Variants in VILL observed in about 807,000 individuals in gnomAD.
The protein encoded by VILL is villin-like protein.
VILL carries 102 observed loss-of-function variants against 106.3 expected under a neutral mutation model. The observed-to-expected ratio is 0.96, with a 90% CI of 0.82 to 1.13. The LOEUF is 1.13. VILL is among the 50% of genes most tolerant of loss of function. The pLI is 0.00. For synonymous variants in VILL, 431 were observed against 440.3 expected (o/e 0.98, Z 0.27); for missense variants, 1,076 against 1,116.6 (o/e 0.96, Z 0.52).
At chr3:38,005,729 G>A (rs1699905465) in intron 16 of VILL, 63 bp from the exon 17 acceptor site, 20 of 1,528,844 alleles carry the variant, frequency 1.3e-5, no homozygotes, top group Non-Finnish European at 1.8e-5. Context: ...GGAGTGGACA[G>A]GAAGGGGTCA....
chr3:37,988,153 A>C (rs1306265115), upstream of VILL: 1 of 152,324 alleles, frequency 6.6e-6, no homozygotes, highest in Non-Finnish European at 1.5e-5. Flanking sequence ...TGGGGCTTCC[A>C]GGCAGAGAAG....
In VILL at chr3:37,993,889, C is replaced by A. The variant is rs768157050; in HGVS notation, c.61-9C>A. On this transcript the variant is annotated splice_polypyrimidine_tract_variant and intron_variant, in intron 2 of 19. Transcript: ENST00000383759. ...TCCTGAGTTGTTACAGGGAACTCTC[C>A]TCTCCCAGAACCGGAAGATGGTGCC... The A allele has an allele frequency of 7.7e-5, 125 of 1,614,052 alleles. 1 individual carries two copies. The Admixed American group carries it at 1.9e-3, about 25-fold the overall frequency.
chr3:38,001,390 G>T, intron 11 of VILL, 66 bp from the exon 12 acceptor site: 3 of 1,594,446 alleles, frequency 1.9e-6, no homozygotes, highest in Non-Finnish European at 2.6e-6. Context: ...TTCCGGTTGG[G>T]TACAGGATGG....
Position 38,001,819 on chromosome 3 carries a change from C to G in VILL, c.1438C>G (p.His480Asp), listed in dbSNP as rs759856414. The change falls in exon 13 of 20, where the codon CAC becomes GAC. Residue 480 changes from histidine to aspartate, a missense_variant. Physicochemically the swap from His to Asp is moderately conservative, Grantham distance 81. Coordinates refer to ENST00000383759, the MANE Select transcript of VILL (RefSeq NM_015873.4). ...EHVTMGSEPP[H>D]FLAIFQGQLV... ...TGTGACCATGGGCAGCGAGCCCCCC[C>G]ACTTCCTCGCCATCTTCCAGGGCCA... The G allele has an allele frequency of 3.7e-6, 6 of 1,614,240 alleles. No homozygotes were observed. The highest frequency in any genetic ancestry group is 5.1e-6 in the Non-Finnish European group (6 of 1,180,042).
At chr3:37,990,266 A>G (rs1190637804), upstream of VILL, among the ~76,000 whole-genome samples, 3 of 152,292 alleles carry the variant, frequency 2.0e-5, no homozygotes, top group African/African-American at 7.2e-5. The surrounding 1 kb of genome is among the most constrained non-coding windows in gnomAD (Gnocchi z 5.1). Context: ...GGGCTGTGCC[A>G]GGCAGTGAGC....
At chr3:37,989,996 T>C (rs948407211), upstream of VILL, among the ~76,000 whole-genome samples, 1 of 152,184 alleles carries the variant, frequency 6.6e-6, no homozygotes, top group Non-Finnish European at 1.5e-5. Context: ...GGAGAGGGTC[T>C]TGGGCAGTGG....
rs376322843 is a variant in VILL, at chr3:37,994,390, G to T, written c.265G>T (p.Gly89Cys). 2 of 1,612,618 alleles carry T rather than the reference G, an allele frequency of 1.2e-6. No individual in the cohort carries two copies. Among genetic ancestry groups the T allele is most frequent in the Admixed American group, 1.7e-5 (1 of 59,928 alleles). Residue 89 changes from glycine (G) to cysteine (C), a missense_variant, in exon 4 of 20, where the codon GGC becomes TGC. Gly to Cys is a radical substitution (Grantham distance 159). Coordinates refer to ENST00000383759, the MANE Select transcript of VILL (RefSeq NM_015873.4). ...GCAGCGCCTACAGGACGAGCTGGGG[G>T]GCCAGACCGTGCTGCACCGCGAGGC... ...FQQRLQDELGGQTVLHREAQG... is the reference protein window; with the variant it reads ...FQQRLQDELGCQTVLHREAQG...
chr3:38,001,590 G>T lies in VILL; in HGVS notation c.1317G>T (p.Trp439Cys). Residue 439 changes from tryptophan (W) to cysteine (C), a missense_variant, in exon 12 of 20, where the codon TGG (tryptophan) becomes TGT (cysteine). Transcript: ENST00000383759. Reference protein sequence around the residue: ...LGRVQYILYLWQGHQATADEI... With the variant: ...LGRVQYILYLCQGHQATADEI... Reference sequence around the variant, plus strand: ...GTGTCCAGTACATCCTGTACCTATGGCAGGTGTGCCAGCCTGAGGGAGGCA... The same window carrying T: ...GTGTCCAGTACATCCTGTACCTATGTCAGGTGTGCCAGCCTGAGGGAGGCA... The T allele has an allele frequency of 1.2e-6, 2 of 1,614,102 alleles. No individual in the cohort carries two copies. The highest frequency in any genetic ancestry group is 1.1e-5 in the South Asian group (1 of 91,086).
upstream of VILL, among the ~76,000 whole-genome samples, chr3:37,988,605 G>A (rs1699575842): frequency 6.6e-6 from 1 of 152,222 alleles, no homozygotes; most frequent in East Asian, 1.9e-4. Context: ...GCTTACGCCT[G>A]TAATCCCAAC....
intron 15 of VILL, 141 bp downstream of exon 15, chr3:38,003,454 T>C (rs1699857417): frequency 1.7e-6 from 2 of 1,144,994 alleles, no homozygotes; most frequent in African/African-American, 1.6e-5. Flanking sequence ...TCACAGAGGC[T>C]CCCACAAGTA....
In VILL at chr3:37,993,902, G is replaced by A. The variant is rs148456761; in HGVS notation, c.65G>A (p.Arg22Gln). The change falls in exon 3 of 20, where the codon CGG (arginine) becomes CAG (glutamine). Residue 22 changes from arginine (R) to glutamine (Q), a missense_variant. Arg to Gln is a conservative substitution (Grantham distance 43). Coordinates refer to ENST00000383759, the MANE Select transcript of VILL (RefSeq NM_015873.4). ...GGLHIWISEN[R>Q]KMVPVPEGAY... ...CAGGGAACTCTCCTCTCCCAGAACC[G>A]GAAGATGGTGCCGGTACCCGAGGGG... 77 of 1,614,068 alleles carry A rather than the reference G, an allele frequency of 4.8e-5. No individual in the cohort carries two copies. The African/African-American group carries it at 8.8e-4, about 18-fold the overall frequency.
chr3:38,000,964 C>G (rs1699802691), intron 11 of VILL: 1 of 457,274 alleles, frequency 2.2e-6, no homozygotes, highest in East Asian at 6.9e-5. Flanking sequence ...GCTCCAGGCT[C>G]TGCCACCCAC....
In VILL at chr3:37,998,392, A is replaced by G; in HGVS notation, c.942+28A>G. The G allele has an allele frequency of 6.2e-7, 1 of 1,603,224 alleles. No homozygotes were observed. The highest frequency in any genetic ancestry group is 2.2e-5 in the East Asian group (1 of 44,814). ...GAGCCCTGGGGCTCTGTCTGAGAGG[A>G]ACAGAGCACTGCCCTGGGGTCTGAG... On this transcript the variant is annotated intron_variant, in intron 9 of 19. Coordinates refer to ENST00000383759, the MANE Select transcript of VILL (RefSeq NM_015873.4). The surrounding 1 kb of genome is among the most constrained non-coding windows in gnomAD (Gnocchi z 4.1).
chr3:37,998,023 T>C lies in VILL; in HGVS notation c.765-67T>C. 1 of 1,488,132 alleles carries C rather than the reference T, an allele frequency of 6.7e-7. No individual in the cohort carries two copies. Among genetic ancestry groups the C allele is most frequent in the Non-Finnish European group, 9.1e-7 (1 of 1,095,354 alleles). 92.2% of individuals were successfully genotyped at this position (1,488,132 alleles called of 1,614,324 possible). ...TGAGGGACTGGGGTGGGGTCCTAAATGGGGCTGGAGTGGAGACAGATCAGG... is the reference window on the plus strand; with the variant it reads ...TGAGGGACTGGGGTGGGGTCCTAAACGGGGCTGGAGTGGAGACAGATCAGG... On this transcript the variant is annotated intron_variant, in intron 7 of 19. Transcript: ENST00000383759. The surrounding 1 kb of genome is among the most constrained non-coding windows in gnomAD (Gnocchi z 4.1).
chr3:37,992,933 A>G (rs1192680526), intron 1 of VILL, among the ~76,000 whole-genome samples: 4 of 152,118 alleles, frequency 2.6e-5, no homozygotes, highest in African/African-American at 7.2e-5. Context: ...TGTTCCTGCT[A>G]TTGATAAGAC....
Position 37,993,671 on chromosome 3 carries a change from C to G in VILL, c.-2C>G. 9 of 1,613,864 alleles carry G rather than the reference C, an allele frequency of 5.6e-6. No homozygotes were observed. The highest frequency in any genetic ancestry group is 7.6e-6 in the Non-Finnish European group (9 of 1,179,848). On this transcript the variant is annotated 5_prime_UTR_variant, in exon 2 of 20. Coordinates refer to ENST00000383759, the MANE Select transcript of VILL (RefSeq NM_015873.4). ...TCGTCCCATATTCCTGCCTGGCCTG[C>G]GATGGACATCAGCAAGGGCCTCCCA... is the stretch of plus-strand genomic sequence containing the variant.
rs747016116 is a variant in VILL at position 37,999,047 on chromosome 3, A to AGGGGTGAGCGGGC, written c.1081+2_1081+14dup. On this transcript the variant is annotated frameshift_variant, in exon 10 of 20. Transcript: ENST00000383759. LOFTEE classifies it high-confidence loss of function. ...GCGCAGGAACCAGAAGCTCGGCGGG[A>AGGGGTGAGCGGGC]GGGGTGAGCGGGCGGGGCGGGGCTG... 9.0e-4 allele frequency: 732 copies of AGGGGTGAGCGGGC among 813,350 alleles called. 1 individual carries two copies. Among genetic ancestry groups the AGGGGTGAGCGGGC allele is most frequent in the Non-Finnish European group, 1.1e-3 (662 of 613,314 alleles). 50.4% of individuals were successfully genotyped at this position (813,350 alleles called of 1,614,324 possible). A position where few individuals can be genotyped will look rare whatever the true frequency, so the allele number is the denominator to read the frequency against.
Position 37,998,796 on chromosome 3 carries a change from G to T in VILL, c.943-116G>T. ...AGTCAATTCGCTAAGTGGGTCATGAGCTCGGTTAATTAACGCTTCTTGGAG... is the reference window on the plus strand; with the variant it reads ...AGTCAATTCGCTAAGTGGGTCATGATCTCGGTTAATTAACGCTTCTTGGAG... On this transcript the variant is annotated intron_variant, in intron 9 of 19. Transcript: ENST00000383759. The surrounding 1 kb of genome is among the most constrained non-coding windows in gnomAD (Gnocchi z 4.1). 6.9e-7 allele frequency: 1 copy of T among 1,446,194 alleles called. No individual in the cohort carries two copies. The allele number at this position is 1,446,194 out of a possible 1,614,324, so 89.6% of individuals were successfully genotyped here.
Position 37,997,039 on chromosome 3 carries a change from GTGGTATGACA to G in VILL, c.451-37_451-28del. On this transcript the variant is annotated intron_variant, in intron 5 of 19. Coordinates refer to ENST00000383759, the MANE Select transcript of VILL (RefSeq NM_015873.4). The surrounding 1 kb of genome is among the most constrained non-coding windows in gnomAD (Gnocchi z 4.7). ...CTATGCTCCCCTCTAGCGGATGCTG[GTGGTATGACA>G]CTCTGTCTCTCTCCCTGGCTCTGGC... The G allele has an allele frequency of 6.3e-7, 1 of 1,584,036 alleles. No homozygotes were observed. Among genetic ancestry groups the G allele is most frequent in the Non-Finnish European group, 8.7e-7 (1 of 1,153,224 alleles).
Sources: gnomAD v4.1 joint callset for allele counts (sites outside exome capture counted in the v4.1 genomes callset) on GRCh38, gnomAD v4.1.1 for gene constraint, Gnocchi (gnomAD v3.1) non-coding constraint, MANE v1.5 for transcripts, NCBI Gene and HGNC (gene_info 2026-07-23, HGNC 2026-07-21) for gene names.